ROBO1: variants seen among roughly 807,000 people sequenced by gnomAD.
ROBO1 encodes the protein roundabout homolog 1.
In ROBO1, 149 loss-of-function variants were observed where a neutral mutation model predicts 195.9. That is an observed-to-expected ratio of 0.76 (90% confidence interval 0.67 to 0.87). The LOEUF (loss-of-function observed/expected upper bound fraction) is 0.87. Ranked by LOEUF, ROBO1 falls within the 40% of genes least tolerant of loss-of-function variation. The probability of loss-of-function intolerance (pLI) is 0.00; values close to 1 mark genes in which losing one functional copy is unlikely to be tolerated. For missense variants in ROBO1, 1,933 were observed against 2,068.3 expected (o/e 0.93, Z 1.27); for synonymous variants, 816 against 733.2 (o/e 1.11, Z -1.82).
chr3:79,500,763 C>T (rs556137051), intron 2 of ROBO1, among the ~76,000 whole-genome samples: 2 of 152,276 alleles, frequency 1.3e-5, no homozygotes, highest in South Asian at 2.1e-4. Flanking sequence ...CTACTTACCA[C>T]TTTTTCAGAG....
chr3:79,225,876 C>T (rs1346678851), intron 2 of ROBO1, among the ~76,000 whole-genome samples: 1 of 152,114 alleles, frequency 6.6e-6, no homozygotes, highest in Non-Finnish European at 1.5e-5. Flanking sequence ...TCTCCCCATC[C>T]AGGATACCAT....
chr3:79,197,130 G>A (rs2081652539), intron 2 of ROBO1, among the ~76,000 whole-genome samples: 1 of 151,712 alleles, frequency 6.6e-6, no homozygotes, highest in Non-Finnish European at 1.5e-5. Flanking sequence ...ATGTTGGTTT[G>A]CTGCACCCAT....
chr3:79,437,658 A>T (rs965218729), intron 2 of ROBO1, among the ~76,000 whole-genome samples: 9 of 151,988 alleles, frequency 5.9e-5, no homozygotes, highest in Non-Finnish European at 1.3e-4. Context: ...AACATCCTAC[A>T]TATGTACTGT....
chr3:78,674,919 T>C (rs769339333), intron 10 of ROBO1, among the ~76,000 whole-genome samples: 2 of 152,184 alleles, frequency 1.3e-5, no homozygotes, highest in Non-Finnish European at 2.9e-5. Context: ...ATATATTGGT[T>C]ATAGTAGTCA....
At chr3:78,644,359 A>G (rs1003606730) in intron 21 of ROBO1, among the ~76,000 whole-genome samples, 1 of 152,136 alleles carries the variant, frequency 6.6e-6, no homozygotes, top group East Asian at 1.9e-4. Flanking sequence ...TTGCTTACTG[A>G]TGCTTCCCAA....
Position 78,659,763 on chromosome 3 carries a change from C to T in ROBO1, c.2365G>A (p.Gly789Arg). Residue 789 changes from glycine to arginine, a missense_variant, in exon 17 of 31, where the codon GGA (glycine) becomes AGA (arginine). Coordinates refer to ENST00000464233, the MANE Select transcript of ROBO1 (RefSeq NM_002941.4). ...PQGVTVSKND[G>R]NGTAILVSWQ... The stretch of plus-strand genomic sequence containing the variant: ...CTAACTAGAATTGCAGTTCCGTTTC[C>T]ATCATTCTTGGATACAGTTACACCT... 3.1e-6 allele frequency: 5 copies of T among 1,601,662 alleles called. No individual in the cohort carries two copies. Among genetic ancestry groups the T allele is most frequent in the Non-Finnish European group, 4.3e-6 (5 of 1,173,498 alleles).
At chr3:79,726,817 C>G (rs1440179945) in intron 1 of ROBO1, among the ~76,000 whole-genome samples, 1 of 152,064 alleles carries the variant, frequency 6.6e-6, no homozygotes, top group Non-Finnish European at 1.5e-5. Flanking sequence ...AAAATCCAAA[C>G]AGAGGATGTC....
intron 1 of ROBO1, among the ~76,000 whole-genome samples, chr3:79,724,203 A>C (rs1411370144): frequency 6.6e-6 from 1 of 152,146 alleles, no homozygotes; most frequent in Non-Finnish European, 1.5e-5. Flanking sequence ...CTTGACTCCC[A>C]TTTAGGGTAA....
At chr3:78,757,394 A>C (rs2082962958) in intron 4 of ROBO1, among the ~76,000 whole-genome samples, 1 of 151,602 alleles carries the variant, frequency 6.6e-6, no homozygotes, top group African/African-American at 2.4e-5. Context: ...AGTGTTTTCT[A>C]ATTTAAATAT....
intron 4 of ROBO1, among the ~76,000 whole-genome samples, chr3:78,749,597 C>T (rs2082738940): frequency 6.6e-6 from 1 of 151,924 alleles, no homozygotes; most frequent in Non-Finnish European, 1.5e-5. Context: ...TATACTTATC[C>T]CAAAGATTTC....
At chr3:79,510,383 T>C (rs563774649) in intron 2 of ROBO1, among the ~76,000 whole-genome samples, 13 of 152,288 alleles carry the variant, frequency 8.5e-5, no homozygotes, top group Admixed American at 2.0e-4. Context: ...TTCCCAGTTA[T>C]ATGGAACTGT....
intron 2 of ROBO1, among the ~76,000 whole-genome samples, chr3:79,233,731 C>T (rs1249577082): frequency 6.6e-6 from 1 of 152,008 alleles, no homozygotes; most frequent in East Asian, 1.9e-4. Flanking sequence ...AAATAAACTC[C>T]GTTTTAAGTT....
intron 2 of ROBO1, among the ~76,000 whole-genome samples, chr3:79,465,705 T>C (rs939494718): frequency 6.6e-6 from 1 of 152,134 alleles, no homozygotes; most frequent in African/African-American, 2.4e-5. Flanking sequence ...GGAGGGTCTT[T>C]TTTTAAAATT....
chr3:79,607,095 G>GCACATA (rs1553772832), intron 1 of ROBO1, among the ~76,000 whole-genome samples: 2 of 139,962 alleles, frequency 1.4e-5, no homozygotes, highest in South Asian at 2.4e-4. Flanking sequence ...ATTAAAACCT[G>GCACATA]CACACACACA....
At chr3:78,962,467 A>G (rs1247218143) in intron 3 of ROBO1, among the ~76,000 whole-genome samples, 1 of 152,116 alleles carries the variant, frequency 6.6e-6, no homozygotes, top group African/African-American at 2.4e-5. Context: ...TTAAAACTGT[A>G]AACTCCGGGG....
rs371434665 is a variant in ROBO1 at position 78,771,066 on chromosome 3, C to CA, written c.500-24167dup. Among the ~76,000 whole-genome samples, 727 of 143,026 alleles carry CA rather than the reference C, an allele frequency of 5.1e-3. 4 individuals carry two copies. The highest frequency in any genetic ancestry group is 0.014 in the African/African-American group (534 of 39,086). 93.8% of individuals were successfully genotyped at this position (143,026 alleles called of 152,430 possible). A position where few individuals can be genotyped will look rare whatever the true frequency, so the allele number is the denominator to read the frequency against. ...TGGGTGACAGAATAAGACCCCATATCAAAAAAAAAAAATCTGTAATCCACC... is the reference window on the plus strand; with the variant it reads ...TGGGTGACAGAATAAGACCCCATATCAAAAAAAAAAAAATCTGTAATCCACC... On this transcript the variant is annotated intron_variant, in intron 4 of 30. Transcript: ENST00000464233.
At chr3:78,876,545 T>C (rs2035860483) in intron 4 of ROBO1, among the ~76,000 whole-genome samples, 1 of 152,198 alleles carries the variant, frequency 6.6e-6, no homozygotes. Context: ...CAACTGATGA[T>C]TGTTAGAATA....
At chr3:79,041,338 T>C (rs1184866707) in intron 3 of ROBO1, among the ~76,000 whole-genome samples, 1 of 152,218 alleles carries the variant, frequency 6.6e-6, no homozygotes, top group Non-Finnish European at 1.5e-5. Flanking sequence ...TTCATCTTTG[T>C]ATATCCAAGA....
chr3:78,843,338 A>C (rs139394308), intron 4 of ROBO1, among the ~76,000 whole-genome samples: 59 of 152,230 alleles, frequency 3.9e-4, no homozygotes, highest in Admixed American at 3.7e-3. Flanking sequence ...GCCTTTAATA[A>C]GGCAGAATTT....
Sources: allele counts gnomAD v4.1 joint callset (sites outside exome capture counted in the v4.1 genomes callset), GRCh38; gene constraint gnomAD v4.1.1; transcripts MANE v1.5; gene names NCBI Gene and HGNC (gene_info 2026-07-23, HGNC 2026-07-21).